TAF1B: variants seen among roughly 807,000 people sequenced by gnomAD.
TAF1B encodes TATA-box binding protein associated factor, RNA polymerase I subunit B.
In TAF1B, 61 loss-of-function variants were observed where a neutral mutation model predicts 83.9. The ratio of observed to expected loss-of-function variants is 0.73; its 90% CI spans 0.59 to 0.90. TAF1B has a LOEUF of 0.90. Ranked by LOEUF, TAF1B falls within the 40% of genes least tolerant of loss-of-function variation. The pLI is 0.00. For missense variants in TAF1B, 625 were observed against 677.0 expected, an observed-to-expected ratio of 0.92 and a Z score of 0.85; for synonymous variants, 221 against 224.6, an observed-to-expected ratio of 0.98 and a Z score of 0.14.
intron 5 of TAF1B, among the ~76,000 whole-genome samples, chr2:9,859,755 GTCT>G (rs1372045198): frequency 6.6e-6 from 1 of 152,104 alleles, no homozygotes; most frequent in African/African-American, 2.4e-5. Flanking sequence ...TCATCTTCCT[GTCT>G]TCTTCTGAGC....
intron 1 of TAF1B, 38 bp from the exon 2 acceptor site, chr2:9,845,182 C>A (rs774503234): frequency 7.2e-6 from 11 of 1,534,398 alleles, no homozygotes; most frequent in South Asian, 1.1e-5. Flanking sequence ...TTGAATGTGG[C>A]TTGATGGGAA....
chr2:9,864,633 CA>C (rs1255372005), intron 5 of TAF1B, among the ~76,000 whole-genome samples: 1 of 151,660 alleles, frequency 6.6e-6, no homozygotes, highest in Non-Finnish European at 1.5e-5. Flanking sequence ...AGAGACACAA[CA>C]AAAAAAGAGA....
chr2:9,905,772 A>T (rs1356635170), intron 9 of TAF1B, among the ~76,000 whole-genome samples: 3 of 152,206 alleles, frequency 2.0e-5, no homozygotes, highest in Non-Finnish European at 4.4e-5. Flanking sequence ...ATGTGAAAAA[A>T]GCAATATATG....
intron 8 of TAF1B, among the ~76,000 whole-genome samples, chr2:9,891,996 T>C (rs1384363830): frequency 2.0e-5 from 3 of 152,218 alleles, no homozygotes; most frequent in Admixed American, 6.5e-5. Flanking sequence ...ATTTATGTAG[T>C]GTGCAGTAAT....
chr2:9,855,317 G>C (rs1285179629), intron 5 of TAF1B, among the ~76,000 whole-genome samples: 1 of 152,126 alleles, frequency 6.6e-6, no homozygotes, highest in Non-Finnish European at 1.5e-5. Context: ...TTTGATGTGT[G>C]GTACAGATGC....
At chr2:9,880,401 A>T (rs1212989861) in intron 7 of TAF1B, among the ~76,000 whole-genome samples, 3 of 126,128 alleles carry the variant, frequency 2.4e-5, no homozygotes, top group Non-Finnish European at 4.9e-5. Flanking sequence ...AGGGAAATAG[A>T]TTGTTCAGAA....
rs541115975 is a variant in TAF1B at position 9,914,631 on chromosome 2, A to G, written c.1271+1382A>G. On this transcript the variant is annotated intron_variant, in intron 12 of 14. Coordinates refer to ENST00000263663, the MANE Select transcript of TAF1B (RefSeq NM_005680.3). The surrounding 1 kb of genome is among the most constrained non-coding windows in gnomAD (Gnocchi z 4.3). ...GCAGTGTTATGTCAGTTGCACATTT[A>G]AGACTTACCGGCTTTTAGCTACTTT... 2.0e-5 allele frequency among the ~76,000 whole-genome samples: 3 copies of G among 152,304 alleles called. No individual in the cohort carries two copies. The highest frequency in any genetic ancestry group is 2.0e-4 in the Admixed American group (3 of 15,302).
chr2:9,869,217 T>G lies in TAF1B; in HGVS notation c.553+788T>G, dbSNP rs373077500. Among the ~76,000 whole-genome samples the G allele has an allele frequency of 6.1e-4, 93 of 152,258 alleles. No homozygotes were observed. In the South Asian group the frequency reaches 6.4e-3, roughly 11 times the overall value. On this transcript the variant is annotated intron_variant, in intron 6 of 14. Transcript: ENST00000263663. Reference sequence around the variant, plus strand: ...TGTAACAGTTTTGTTTGCTTATTTTTTTTTGTTTTGTTTTGTTTTGTTTTT... The same window carrying G: ...TGTAACAGTTTTGTTTGCTTATTTTGTTTTGTTTTGTTTTGTTTTGTTTTT...
At chr2:9,849,885 A>G (rs570724097) in intron 3 of TAF1B, among the ~76,000 whole-genome samples, 1 of 152,320 alleles carries the variant, frequency 6.6e-6, no homozygotes, top group East Asian at 1.9e-4. Context: ...GATCTTAGGT[A>G]AAGTCTAACT....
chr2:9,865,126 A>G (rs145168577), intron 5 of TAF1B, among the ~76,000 whole-genome samples: 48,164 of 151,986 alleles, frequency 0.32, 8,024 homozygotes, highest in African/African-American at 0.4. Context: ...AGGGCATGCA[A>G]TTAGGAAAAG....
At chr2:9,882,683 C>A in intron 7 of TAF1B, 23 bp from the exon 8 acceptor site, 1 of 1,558,056 alleles carries the variant, frequency 6.4e-7, no homozygotes, top group Non-Finnish European at 8.7e-7. Context: ...TCTCATTAAA[C>A]CTTTTTCTTT....
chr2:9,868,263 G>A lies in TAF1B; in HGVS notation c.400-13G>A. 2.0e-6 allele frequency: 3 copies of A among 1,530,880 alleles called. No individual in the cohort carries two copies. Among genetic ancestry groups the A allele is most frequent in the Non-Finnish European group, 2.7e-6 (3 of 1,128,524 alleles). 94.8% of individuals were successfully genotyped at this position (1,530,880 alleles called of 1,614,324 possible). ...GTTACACAATAATTTTATTTATATT[G>A]TTTTGCAAACAGGTATTAGAAGATA... On this transcript the variant is annotated splice_polypyrimidine_tract_variant and intron_variant, in intron 5 of 14. Coordinates refer to ENST00000263663, the MANE Select transcript of TAF1B (RefSeq NM_005680.3).
At chr2:9,881,280 G>A (rs1176552524) in intron 7 of TAF1B, among the ~76,000 whole-genome samples, 2 of 152,018 alleles carry the variant, frequency 1.3e-5, no homozygotes, top group African/African-American at 4.8e-5. Context: ...GGAGGCTGCA[G>A]TGAGCTGAGA....
intron 9 of TAF1B, 28 bp downstream of exon 9, chr2:9,905,034 C>T (rs577431319): frequency 1.1e-5 from 18 of 1,582,284 alleles, no homozygotes; most frequent in South Asian, 8.9e-5. Context: ...ATTGTGGGGA[C>T]ACTTTAACTA....
At chr2:9,929,543 C>T (rs757210491) in intron 14 of TAF1B, among the ~76,000 whole-genome samples, 5 of 152,152 alleles carry the variant, frequency 3.3e-5, no homozygotes, top group African/African-American at 4.8e-5. Flanking sequence ...CCGACTTGAT[C>T]GTGGTGGATA....
At chr2:9,908,353 T>C (rs1371132585) in intron 9 of TAF1B, among the ~76,000 whole-genome samples, 1 of 152,122 alleles carries the variant, frequency 6.6e-6, no homozygotes, top group Non-Finnish European at 1.5e-5. Flanking sequence ...GGCCAAGATA[T>C]TAATTTTAAA....
intron 6 of TAF1B, among the ~76,000 whole-genome samples, chr2:9,872,045 T>C (rs538276115): frequency 6.6e-6 from 1 of 152,280 alleles, no homozygotes; most frequent in South Asian, 2.1e-4. Flanking sequence ...TCTGGATGTC[T>C]GGCTGGGTGT....
intron 13 of TAF1B, 61 bp from the exon 14 acceptor site, chr2:9,919,537 A>G (rs188628292): frequency 5.8e-4 from 835 of 1,439,924 alleles, no homozygotes; most frequent in Non-Finnish European, 6.8e-4. Context: ...AGTAAATTCC[A>G]GGCTTTATTT....
intron 14 of TAF1B, among the ~76,000 whole-genome samples, chr2:9,921,156 A>AT (rs1359342860): frequency 1.3e-5 from 2 of 152,230 alleles, no homozygotes; most frequent in East Asian, 3.8e-4. Flanking sequence ...CAGTGGCACG[A>AT]TAATGGCTCA....
Sources: gnomAD v4.1 joint callset for allele counts (sites outside exome capture counted in the v4.1 genomes callset) on GRCh38, gnomAD v4.1.1 for gene constraint, Gnocchi (gnomAD v3.1) non-coding constraint, MANE v1.5 for transcripts, NCBI Gene and HGNC (gene_info 2026-07-23, HGNC 2026-07-21) for gene names.